ACAN: variants seen among roughly 807,000 people sequenced by gnomAD.
The protein encoded by ACAN is aggrecan core protein.
In ACAN, 47 loss-of-function variants were observed where a neutral mutation model predicts 169.1. The ratio of observed to expected loss-of-function variants is 0.28; its 90% CI spans 0.22 to 0.35. ACAN has a LOEUF of 0.35. Among genes scored for constraint, ACAN ranks in the 10% least tolerant of loss-of-function variants. The probability of loss-of-function intolerance (pLI) is 1.00; values close to 1 mark genes in which losing one functional copy is unlikely to be tolerated. For synonymous variants in ACAN, 1,115 were observed against 1,112.2 expected, an observed-to-expected ratio of 1.00 and a Z score of -0.05; for missense variants, 2,716 against 2,759.9, an observed-to-expected ratio of 0.98 and a Z score of 0.36.
At chr15:88,821,240 T>C (rs970096113) in intron 1 of ACAN, among the ~76,000 whole-genome samples, 2 of 152,104 alleles carry the variant, frequency 1.3e-5, no homozygotes, top group Non-Finnish European at 2.9e-5. Context: ...CCCAGGCTCA[T>C]GCGATCCTCC....
chr15:88,870,820 T>C lies in ACAN; in HGVS notation c.7061-562T>C, dbSNP rs181627519. Among the ~76,000 whole-genome samples, 38 of 152,210 alleles carry C rather than the reference T, an allele frequency of 2.5e-4. No individual in the cohort carries two copies. Among genetic ancestry groups the C allele is most frequent in the Non-Finnish European group, 8.8e-5 (6 of 68,020 alleles). ...TGTGCTTAACTAAAGCCAACTCTGA[T>C]CAACAGCCTTAGAGCTCTGAGTCTT... On this transcript the variant is annotated intron_variant, in intron 14 of 18. Coordinates refer to ENST00000560601, the MANE Select transcript of ACAN (RefSeq NM_001369268.1). The surrounding 1 kb of genome is among the most constrained non-coding windows in gnomAD (Gnocchi z 6.3).
Position 88,874,294 on chromosome 15 carries a change from C to A in ACAN, c.7631-111C>A. 8.6e-7 allele frequency: 1 copy of A among 1,167,032 alleles called. No homozygotes were observed. Among genetic ancestry groups the A allele is most frequent in the South Asian group, 1.3e-5 (1 of 75,408 alleles). 72.3% of individuals were successfully genotyped at this position (1,167,032 alleles called of 1,614,324 possible). On this transcript the variant is annotated intron_variant, in intron 18 of 18. Transcript: ENST00000560601. This position sits in a 1 kb window ranked among gnomAD's most constrained non-coding sequence, Gnocchi z 7.3. ...TCAGGAAAGCCGATAAAGCCTCAGG[C>A]GCCTGAGTCCTGGTTTCCACAAGGG...
Position 88,855,336 on chromosome 15 carries a change from A to G in ACAN, c.2751A>G (p.Gly917=), listed in dbSNP as rs763574287. ...TVGSGLPVES[G]LPSGDEERIE... is the part of the protein sequence containing the mutation. ...GCTCAGGCCTGCCTGTGGAAAGTGG[A>G]CTACCCTCAGGGGATGAAGAGAGAA... The change falls in exon 12 of 19, where the codon GGA becomes GGG. Residue 917 remains glycine, a synonymous_variant. Transcript: ENST00000560601. The G allele has an allele frequency of 3.7e-6, 6 of 1,612,668 alleles. No homozygotes were observed. The highest frequency in any genetic ancestry group is 1.1e-5 in the South Asian group (1 of 91,066).
chr15:88,849,954 T>G lies in ACAN; in HGVS notation c.2026+223T>G. 1.5e-6 allele frequency: 1 copy of G among 680,934 alleles called. No homozygotes were observed. The highest frequency in any genetic ancestry group is 2.6e-6 in the Non-Finnish European group (1 of 383,516). 42.2% of individuals were successfully genotyped at this position (680,934 alleles called of 1,614,324 possible). ...GAGACAAGTAGAGATAAATAAGAAC[T>G]TGAGCTGGTATTTATGTCTACTAGA... On this transcript the variant is annotated intron_variant, in intron 10 of 18. Coordinates refer to ENST00000560601, the MANE Select transcript of ACAN (RefSeq NM_001369268.1). The surrounding 1 kb of genome is among the most constrained non-coding windows in gnomAD (Gnocchi z 5.1).
chr15:88,808,942 C>A (rs1174166977), intron 1 of ACAN, among the ~76,000 whole-genome samples: 1 of 152,146 alleles, frequency 6.6e-6, no homozygotes, highest in Non-Finnish European at 1.5e-5. Context: ...AAAATGTGGG[C>A]TTTGGTGGCC....
rs200762388 is a variant in ACAN at position 88,858,152 on chromosome 15, G to A, written c.5567G>A (p.Ser1856Asn). 2,140 of 1,613,962 alleles carry A rather than the reference G, an allele frequency of 1.3e-3. 3 individuals carry two copies. Among genetic ancestry groups the A allele is most frequent in the Non-Finnish European group, 1.4e-3 (1,693 of 1,179,898 alleles). The part of the protein sequence containing the change: ...EEEGLGSVEL[S>N]GLPSGEADLS... ...GAAGGCTTAGGGTCTGTGGAACTCAGTGGCCTCCCTTCCGGAGAGGCAGAT... is the reference window on the plus strand; with the variant it reads ...GAAGGCTTAGGGTCTGTGGAACTCAATGGCCTCCCTTCCGGAGAGGCAGAT... The change falls in exon 12 of 19, where the codon AGT becomes AAT. Residue 1856 changes from serine to asparagine, a missense_variant. By Grantham distance (46) the Ser-to-Asn change is conservative. Around this residue, in one of 3 missense-constraint regions of ACAN, gnomAD observed 1,389 missense variants for 1,363.7 expected, o/e 1.02. Coordinates refer to ENST00000560601, the MANE Select transcript of ACAN (RefSeq NM_001369268.1). The surrounding 1 kb of genome is among the most constrained non-coding windows in gnomAD (Gnocchi z 4.0).
Position 88,866,108 on chromosome 15 carries a change from C to T in ACAN, c.6947-2108C>T, listed in dbSNP as rs1394387219. ...ACACAGAAAGAAAGCAACGCTCCCC[C>T]TCACCCCAACTTGGGCAGCCTGGGA... On this transcript the variant is annotated intron_variant, in intron 13 of 18. Transcript: ENST00000560601. The surrounding 1 kb of genome is among the most constrained non-coding windows in gnomAD (Gnocchi z 5.6). Among the ~76,000 whole-genome samples, 1 of 152,204 alleles carries T rather than the reference C, an allele frequency of 6.6e-6. No individual in the cohort carries two copies. The highest frequency in any genetic ancestry group is 1.9e-4 in the East Asian group (1 of 5,196).
chr15:88,826,974 G>A lies in ACAN; in HGVS notation c.-7-9226G>A, dbSNP rs555947854. Among the ~76,000 whole-genome samples the A allele has an allele frequency of 7.2e-5, 11 of 152,278 alleles. No individual in the cohort carries two copies. In the South Asian group the frequency reaches 1.2e-3, roughly 17 times the overall value. On this transcript the variant is annotated intron_variant, in intron 1 of 18. Transcript: ENST00000560601. ...TCACTATCTGTGTGACTTTGGGCACGTTGTCTAACCTCTCTGAGCCATTGT... is the reference window on the plus strand; with the variant it reads ...TCACTATCTGTGTGACTTTGGGCACATTGTCTAACCTCTCTGAGCCATTGT...
In ACAN at chr15:88,859,174, G is replaced by A. The variant is rs751604379; in HGVS notation, c.6589G>A (p.Glu2197Lys). The change falls in exon 12 of 19, where the codon GAA becomes AAA. Residue 2197 changes from glutamate (E) to lysine (K), a missense_variant. This residue lies in a region of ACAN where 1,389 missense variants were observed against 1,363.7 expected (regional missense o/e 1.02). Coordinates refer to ENST00000560601, the MANE Select transcript of ACAN (RefSeq NM_001369268.1). ...ATPTASGDRT[E>K]ISGDLSGHTS... ...TCCCACGGCTTCTGGAGACAGGACT[G>A]AAATCAGCGGAGACCTGTCTGGTCA... 1.7e-5 allele frequency: 27 copies of A among 1,613,760 alleles called. No homozygotes were observed. Among genetic ancestry groups the A allele is most frequent in the Non-Finnish European group, 2.2e-5 (26 of 1,179,906 alleles).
rs750777160 is a variant in ACAN at position 88,856,980 on chromosome 15, G to A, written c.4395G>A (p.Gly1465=). 2.2e-5 allele frequency: 36 copies of A among 1,613,082 alleles called. No individual in the cohort carries two copies. In the East Asian group the frequency reaches 8.0e-4, roughly 36 times the overall value. The change falls in exon 12 of 19, where the codon GGG becomes GGA. Residue 1465 remains glycine, a synonymous_variant. Coordinates refer to ENST00000560601, the MANE Select transcript of ACAN (RefSeq NM_001369268.1). ...EVLETSTSAV[G]DLSGLPSGGE... ...TAGAGACTTCTACCTCTGCGGTAGG[G>A]GACCTCAGTGGACTTCCTTCTGGAG...
At position 88,857,854 on chromosome 15, in the gene ACAN, G is replaced by C. The variant is rs202054679; in HGVS notation, c.5269G>C (p.Gly1757Arg). The change falls in exon 12 of 19, where the codon GGG (glycine) becomes CGG (arginine). Residue 1757 changes from glycine (G) to arginine (R), a missense_variant. By Grantham distance (125) the Gly-to-Arg change is moderately radical. This residue lies in a region of ACAN where 1,389 missense variants were observed against 1,363.7 expected (regional missense o/e 1.02). Transcript: ENST00000560601. ...AACATCTGGAGTGACTGAGCTTAGC[G>C]GGCTGTCCTCTGGACAACCAGGTAT... ...GETSGVTELS[G>R]LSSGQPGISG... 6.2e-7 allele frequency: 1 copy of C among 1,613,766 alleles called. No individual in the cohort carries two copies.
At chr15:88,833,320 C>T (rs1896412367) in intron 1 of ACAN, among the ~76,000 whole-genome samples, 1 of 152,174 alleles carries the variant, frequency 6.6e-6, no homozygotes, top group Admixed American at 6.5e-5. Context: ...GGTGATGAAC[C>T]CAAACCACAT....
At position 88,857,221 on chromosome 15, in the gene ACAN, A is replaced by C. The variant is rs1347049491; in HGVS notation, c.4636A>C (p.Ser1546Arg). 1 of 1,613,652 alleles carries C rather than the reference A, an allele frequency of 6.2e-7. No individual in the cohort carries two copies. Among genetic ancestry groups the C allele is most frequent in the African/African-American group, 1.3e-5 (1 of 74,902 alleles). Reference sequence around the variant, plus strand: ...TTCTGCCTCTGGATTTGGGGACCTCAGTGGACTTCCTTCTGGAGGAGAAGG... The same window carrying C: ...TTCTGCCTCTGGATTTGGGGACCTCCGTGGACTTCCTTCTGGAGGAGAAGG... ...EISASGFGDL[S>R]GLPSGGEGLE... The change falls in exon 12 of 19, where the codon AGT becomes CGT. Residue 1546 changes from serine to arginine, a missense_variant. This residue lies in a region of ACAN where 1,389 missense variants were observed against 1,363.7 expected (regional missense o/e 1.02). Coordinates refer to ENST00000560601, the MANE Select transcript of ACAN (RefSeq NM_001369268.1).
chr15:88,839,412 G>C lies in ACAN; in HGVS notation c.454+366G>C, dbSNP rs1380539572. Among the ~76,000 whole-genome samples the C allele has an allele frequency of 1.3e-5, 2 of 152,138 alleles. No individual in the cohort carries two copies. Among genetic ancestry groups the C allele is most frequent in the East Asian group, 1.9e-4 (1 of 5,180 alleles). ...GAGCAGTCTCCTGACAGTTCATCCT[G>C]GTGTCTTTTCCCTCCCCCTCTCCAC... On this transcript the variant is annotated intron_variant, in intron 3 of 18. Transcript: ENST00000560601. The surrounding 1 kb of genome is among the most constrained non-coding windows in gnomAD (Gnocchi z 4.5).
intron 4 of ACAN, among the ~76,000 whole-genome samples, 171 bp from the exon 5 acceptor site, chr15:88,841,569 T>G (rs1259916165): frequency 6.6e-6 from 1 of 152,220 alleles, no homozygotes. Context: ...GGGCTGCCTT[T>G]AATCATGATT....
At chr15:88,840,955 T>A (rs1264863477) in intron 4 of ACAN, among the ~76,000 whole-genome samples, 1 of 152,040 alleles carries the variant, frequency 6.6e-6, no homozygotes, top group Non-Finnish European at 1.5e-5. Flanking sequence ...CCATCCTAGC[T>A]AACATGGTGA....
chr15:88,842,688 G>A (rs1896695541), intron 5 of ACAN, among the ~76,000 whole-genome samples: 2 of 152,198 alleles, frequency 1.3e-5, no homozygotes, highest in Admixed American at 6.5e-5. Flanking sequence ...AGTTATTTGT[G>A]TGTTCCCACA....
chr15:88,807,827 G>A lies in ACAN; in HGVS notation c.-8+4018G>A, dbSNP rs1202390392. Among the ~76,000 whole-genome samples, 1 of 151,654 alleles carries A rather than the reference G, an allele frequency of 6.6e-6. No homozygotes were observed. The highest frequency in any genetic ancestry group is 2.4e-5 in the African/African-American group (1 of 41,336). On this transcript the variant is annotated intron_variant, in intron 1 of 18. Coordinates refer to ENST00000560601, the MANE Select transcript of ACAN (RefSeq NM_001369268.1). The surrounding 1 kb of genome is among the most constrained non-coding windows in gnomAD (Gnocchi z 4.0). The stretch of plus-strand genomic sequence containing the variant: ...GGCCCTGCGGGCTGGCCAGGCCTGT[G>A]AGAGGTGACTTCTCTCCCTCTCAAT...
rs1245019444 is a variant in ACAN, at chr15:88,839,430, C to T, written c.454+384C>T. The stretch of plus-strand genomic sequence containing the variant: ...TCATCCTGGTGTCTTTTCCCTCCCC[C>T]TCTCCACTCTTATTCTCAGTTCCAG... On this transcript the variant is annotated intron_variant, in intron 3 of 18. Coordinates refer to ENST00000560601, the MANE Select transcript of ACAN (RefSeq NM_001369268.1). The surrounding 1 kb of genome is among the most constrained non-coding windows in gnomAD (Gnocchi z 4.5). Among the ~76,000 whole-genome samples, 1 of 152,220 alleles carries T rather than the reference C, an allele frequency of 6.6e-6. No individual in the cohort carries two copies. Among genetic ancestry groups the T allele is most frequent in the African/African-American group, 2.4e-5 (1 of 41,456 alleles).
Sources: allele counts gnomAD v4.1 joint callset (sites outside exome capture counted in the v4.1 genomes callset), GRCh38; gene constraint gnomAD v4.1.1; regional missense constraint gnomAD v4.1.1; non-coding constraint Gnocchi (gnomAD v3.1); transcripts MANE v1.5; gene names NCBI Gene and HGNC (gene_info 2026-07-23, HGNC 2026-07-21).